NLGN1: variants seen among roughly 807,000 people sequenced by gnomAD.
NLGN1 encodes the protein neuroligin 1.
Under a neutral mutation model 65.5 loss-of-function variants are expected in NLGN1, and 12 were observed. The observed-to-expected ratio is 0.18, with a 90% CI of 0.12 to 0.30. The LOEUF (loss-of-function observed/expected upper bound fraction) is 0.30. NLGN1 is among the 10% of genes least tolerant of loss of function. NLGN1 has a pLI of 1.00. For synonymous variants in NLGN1, 350 were observed against 359.5 expected (o/e 0.97, Z 0.30); for missense variants, 750 against 1,007.1 (o/e 0.74, Z 3.46).
At chr3:174,043,934 A>C (rs949583444) in intron 4 of NLGN1, among the ~76,000 whole-genome samples, 4 of 152,180 alleles carry the variant, frequency 2.6e-5, no homozygotes, top group Admixed American at 6.5e-5. Context: ...TTCTACCTAG[A>C]CATCCAAGTA....
At chr3:173,406,191 G>A (rs1718616043) in intron 1 of NLGN1, among the ~76,000 whole-genome samples, 1 of 151,854 alleles carries the variant, frequency 6.6e-6, no homozygotes, top group African/African-American at 2.4e-5. Context: ...AAATATACTG[G>A]ATGAGAAAGA....
chr3:174,011,595 G>A (rs2152441984), intron 4 of NLGN1, among the ~76,000 whole-genome samples: 1 of 152,134 alleles, frequency 6.6e-6, no homozygotes, highest in East Asian at 1.9e-4. Flanking sequence ...TAATTGCATT[G>A]AAGAAACCTG....
At chr3:173,485,210 G>A (rs2010777) in intron 2 of NLGN1, among the ~76,000 whole-genome samples, 71,797 of 148,428 alleles carry the variant, frequency 0.48, 19,426 homozygotes, top group East Asian at 0.81. Flanking sequence ...GGAAAGACCC[G>A]CCCCCATGAT....
At chr3:173,936,717 A>T (rs1745134805) in intron 4 of NLGN1, among the ~76,000 whole-genome samples, 1 of 152,070 alleles carries the variant, frequency 6.6e-6, no homozygotes, top group East Asian at 1.9e-4. Context: ...ATTTAGTTGT[A>T]ACACACTGTT....
intron 2 of NLGN1, among the ~76,000 whole-genome samples, chr3:173,461,459 T>A (rs1454900460): frequency 6.6e-6 from 1 of 152,080 alleles, no homozygotes; most frequent in Non-Finnish European, 1.5e-5. Flanking sequence ...ATTATGACCA[T>A]TATATAGACA....
In NLGN1 at chr3:174,279,349, G is replaced by A; in HGVS notation, c.1348G>A (p.Glu450Lys). ...TGACTGGGCTGACCGTCATAACCCTGAAACCAGAAGAAAGACATTACTGGC... is the reference window on the plus strand; with the variant it reads ...TGACTGGGCTGACCGTCATAACCCTAAAACCAGAAGAAAGACATTACTGGC... The change falls in exon 6 of 7, where the codon GAA becomes AAA. Residue 450 changes from glutamate to lysine, a missense_variant. By Grantham distance (56) the Glu-to-Lys change is moderately conservative. Coordinates refer to ENST00000457714, the Ensembl canonical transcript of NLGN1. This position sits in a 1 kb window ranked among gnomAD's most constrained non-coding sequence, Gnocchi z 4.7. 3 of 1,613,404 alleles carry A rather than the reference G, an allele frequency of 1.9e-6. No homozygotes were observed. Among genetic ancestry groups the A allele is most frequent in the Non-Finnish European group, 8.5e-7 (1 of 1,179,578 alleles).
intron 4 of NLGN1, among the ~76,000 whole-genome samples, chr3:173,992,191 GCA>G (rs1348018786): frequency 6.6e-6 from 1 of 151,916 alleles, no homozygotes; most frequent in Non-Finnish European, 1.5e-5. Context: ...ATTGTTACCC[GCA>G]CACACACATA....
intron 4 of NLGN1, among the ~76,000 whole-genome samples, chr3:173,997,453 C>G (rs1472287267): frequency 6.6e-6 from 1 of 152,112 alleles, no homozygotes; most frequent in Admixed American, 6.6e-5. Context: ...TTTAAGGTGA[C>G]TTTTAAAATA....
intron 4 of NLGN1, among the ~76,000 whole-genome samples, chr3:174,270,868 A>C (rs1038100404): frequency 5.3e-5 from 8 of 151,758 alleles, no homozygotes; most frequent in African/African-American, 1.9e-4. Flanking sequence ...CACAGTTTTA[A>C]ATCCTTTTAT....
chr3:174,026,923 A>G (rs1728949667), intron 4 of NLGN1, among the ~76,000 whole-genome samples: 1 of 151,916 alleles, frequency 6.6e-6, no homozygotes, highest in African/African-American at 2.4e-5. Flanking sequence ...TTCATGTGAT[A>G]AGGATATTGT....
At position 173,942,808 on chromosome 3, in the gene NLGN1, A is replaced by T. The variant is rs537885737; in HGVS notation, c.646+134976A>T. ...TTCATGACAACCAGGGAAGTGAAAG[A>T]TACAGACCTGTATGTTAATGGTAAA... is the stretch of plus-strand genomic sequence containing the variant. On this transcript the variant is annotated intron_variant, in intron 4 of 6. Coordinates refer to ENST00000457714, the Ensembl canonical transcript of NLGN1. 3.9e-5 allele frequency among the ~76,000 whole-genome samples: 6 copies of T among 152,342 alleles called. No homozygotes were observed. The South Asian group carries it at 6.2e-4, about 16-fold the overall frequency.
intron 4 of NLGN1, among the ~76,000 whole-genome samples, chr3:174,151,325 A>G (rs919070295): frequency 1.3e-5 from 2 of 152,108 alleles, no homozygotes; most frequent in African/African-American, 4.8e-5. Context: ...GAATTGATCA[A>G]TCTGTATTTG....
At chr3:174,069,930 A>G (rs1739450863) in intron 4 of NLGN1, among the ~76,000 whole-genome samples, 1 of 152,238 alleles carries the variant, frequency 6.6e-6, no homozygotes, top group Non-Finnish European at 1.5e-5. Context: ...CTCAGTAACC[A>G]CATCTGTAAA....
chr3:173,995,270 A>G lies in NLGN1; in HGVS notation c.646+187438A>G, dbSNP rs1374294440. 4.6e-5 allele frequency among the ~76,000 whole-genome samples: 7 copies of G among 152,190 alleles called. No homozygotes were observed. In the East Asian group the frequency reaches 1.3e-3, roughly 29 times the overall value. ...CCTCAAGCCTAGTGAACTATTTGCC[A>G]TCTCTGCTCCCTGCTTCTCTCTGTC... On this transcript the variant is annotated intron_variant, in intron 4 of 6. Transcript: ENST00000457714.
intron 4 of NLGN1, among the ~76,000 whole-genome samples, chr3:174,093,463 G>C (rs1185934313): frequency 6.6e-6 from 1 of 152,196 alleles, no homozygotes; most frequent in African/African-American, 2.4e-5. Context: ...GAGGAAGGAA[G>C]TAAAGGCTCA....
At chr3:173,510,454 T>C (rs1406089885) in intron 2 of NLGN1, among the ~76,000 whole-genome samples, 1 of 152,212 alleles carries the variant, frequency 6.6e-6, no homozygotes, top group African/African-American at 2.4e-5. Flanking sequence ...CACAGGTGAA[T>C]TTGGCTCTGC....
At chr3:173,857,644 A>T (rs1728259089) in intron 4 of NLGN1, among the ~76,000 whole-genome samples, 1 of 152,058 alleles carries the variant, frequency 6.6e-6, no homozygotes, top group South Asian at 2.1e-4. Context: ...GGGCTAGAAG[A>T]AGGTGGCCTC....
At chr3:173,508,767 A>G (rs945891624) in intron 2 of NLGN1, among the ~76,000 whole-genome samples, 2 of 152,118 alleles carry the variant, frequency 1.3e-5, no homozygotes, top group African/African-American at 4.8e-5. Flanking sequence ...CCCAAGGAAT[A>G]CAGTTCTCCA....
intron 3 of NLGN1, among the ~76,000 whole-genome samples, chr3:173,786,540 T>TA (rs1253303361): frequency 6.7e-6 from 1 of 149,770 alleles, no homozygotes; most frequent in Non-Finnish European, 1.5e-5. Flanking sequence ...CCATGTATCA[T>TA]ATGTGTGTAA....
Sources: allele counts gnomAD v4.1 joint callset (sites outside exome capture counted in the v4.1 genomes callset), GRCh38; gene constraint gnomAD v4.1.1; non-coding constraint Gnocchi (gnomAD v3.1); transcripts MANE v1.5; gene names NCBI Gene and HGNC (gene_info 2026-07-23, HGNC 2026-07-21).